The following PABPC4 variants were observed in gnomAD, a reference collection of about 807,000 sequenced individuals.
The protein encoded by PABPC4 is poly(A) binding protein cytoplasmic 4.
In PABPC4, 15 loss-of-function variants were observed where a neutral mutation model predicts 74.5. That is an observed-to-expected ratio of 0.20 (90% CI 0.13 to 0.31). The LOEUF is 0.31. PABPC4 is among the 10% of genes least tolerant of loss of function. The pLI, the probability that PABPC4 is intolerant of heterozygous loss-of-function variation, is 1.00. For synonymous variants in PABPC4, 345 were observed against 303.0 expected (o/e 1.14, Z -1.44); for missense variants, 610 against 853.5 (o/e 0.71, Z 3.55).
Position 39,567,853 on chromosome 1 carries a change from GA to G in PABPC4, c.877-8del. On this transcript the variant is annotated splice_region_variant and splice_polypyrimidine_tract_variant and intron_variant, in intron 6 of 15. Coordinates refer to ENST00000372858, the MANE Select transcript of PABPC4 (RefSeq NM_001135653.2). ...TAATGTAGAGATTCACCCCCTGAAG[GA>G]AAAAGATCACTGTTAACTACACTTC... is the stretch of plus-strand genomic sequence containing the variant. 1 of 1,492,222 alleles carries G rather than the reference GA, an allele frequency of 6.7e-7. No individual in the cohort carries two copies. The highest frequency in any genetic ancestry group is 9.3e-7 in the Non-Finnish European group (1 of 1,071,176). The allele number at this position is 1,492,222 out of a possible 1,614,324, so 92.4% of individuals were successfully genotyped here. A position where few individuals can be genotyped will look rare whatever the true frequency, so the allele number is the denominator to read the frequency against.
intron 5 of PABPC4, among the ~76,000 whole-genome samples, chr1:39,569,149 T>C (rs1407402112): frequency 1.3e-5 from 2 of 152,232 alleles, no homozygotes; most frequent in African/African-American, 4.8e-5. Context: ...ATAGAAATAG[T>C]ACAGGTGTAT....
At chr1:39,573,635 A>G (rs761386974) in intron 1 of PABPC4, among the ~76,000 whole-genome samples, 8 of 152,190 alleles carry the variant, frequency 5.3e-5, no homozygotes, top group Non-Finnish European at 1.2e-4. Context: ...CCTGACCAAC[A>G]TGGTGAAAAC....
At chr1:39,564,578 G>A in intron 9 of PABPC4, 36 bp from the exon 10 acceptor site, 1 of 1,613,550 alleles carries the variant, frequency 6.2e-7, no homozygotes, top group Non-Finnish European at 8.5e-7. Flanking sequence ...ATTGAGAAGT[G>A]ATGTGGACCA....
intron 10 of PABPC4, 151 bp downstream of exon 10, chr1:39,564,272 G>T: frequency 1.2e-6 from 1 of 800,250 alleles, no homozygotes; most frequent in Non-Finnish European, 2.0e-6. Context: ...CTGTTTCTCT[G>T]CTCCTGAAGT....
intron 3 of PABPC4, 116 bp downstream of exon 3, chr1:39,571,118 G>C (rs958892427): frequency 3.1e-5 from 49 of 1,569,620 alleles, no homozygotes; most frequent in Non-Finnish European, 4.1e-5. Context: ...TGGAGAGGTA[G>C]GAGCAGGCCA....
chr1:39,569,724 T>C (rs1458896384), intron 4 of PABPC4, 35 bp from the exon 5 acceptor site: 1 of 1,592,898 alleles, frequency 6.3e-7, no homozygotes, highest in East Asian at 2.2e-5. Context: ...AGTAACACCA[T>C]CTTGAGCACA....
intron 7 of PABPC4, among the ~76,000 whole-genome samples, chr1:39,567,007 A>G (rs1005336633): frequency 9.3e-6 from 1 of 106,974 alleles, no homozygotes; most frequent in Admixed American, 1.1e-4. Context: ...CTTCTCATCA[A>G]CTAAAGGATT....
chr1:39,571,744 G>A (rs933633887), intron 2 of PABPC4: 16 of 388,036 alleles, frequency 4.1e-5, no homozygotes, highest in African/African-American at 2.1e-4. Context: ...GTGGTGGCAC[G>A]TGCCTGTAGT....
At chr1:39,566,000 G>A (rs1345157230) in intron 7 of PABPC4, among the ~76,000 whole-genome samples, 1 of 152,180 alleles carries the variant, frequency 6.6e-6, no homozygotes, top group African/African-American at 2.4e-5. Flanking sequence ...ACTGAGTCTA[G>A]GTCAGGGTTC....
chr1:39,569,964 G>C lies in PABPC4; in HGVS notation c.542C>G (p.Ala181Gly). Residue 181 changes from alanine (A) to glycine (G), a missense_variant, in exon 4 of 16, where the codon GCT becomes GGT. Physicochemically the swap from Ala to Gly is moderately conservative, Grantham distance 60. Around this residue, in one of 4 missense-constraint regions of PABPC4, gnomAD observed 304 missense variants for 478.9 expected, o/e 0.63. Coordinates refer to ENST00000372858, the MANE Select transcript of PABPC4 (RefSeq NM_001135653.2). ...GRFKSRKERE[A>G]ELGAKAKEFT... ...TTCCTTGGCTTTGGCTCCAAGCTCAGCTTCCCGCTCTTTGCGAGACTTGAA... is the reference window on the plus strand; with the variant it reads ...TTCCTTGGCTTTGGCTCCAAGCTCACCTTCCCGCTCTTTGCGAGACTTGAA... 2 of 1,614,084 alleles carry C rather than the reference G, an allele frequency of 1.2e-6. No individual in the cohort carries two copies. Among genetic ancestry groups the C allele is most frequent in the Non-Finnish European group, 1.7e-6 (2 of 1,180,020 alleles).
chr1:39,576,085 G>C lies in PABPC4; in HGVS notation c.-134C>G. On this transcript the variant is annotated 5_prime_UTR_variant, in exon 1 of 16. Transcript: ENST00000372858. ...GGCACCGGCGCGGCGAGGACGAGCT[G>C]GAGTCGGCGGGCTTGGAGACGGGAC... 2 of 591,180 alleles carry C rather than the reference G, an allele frequency of 3.4e-6. No homozygotes were observed. The highest frequency in any genetic ancestry group is 2.8e-6 in the Non-Finnish European group (1 of 355,254). The allele number at this position is 591,180 out of a possible 1,614,324, so 36.6% of individuals were successfully genotyped here. A position where few individuals can be genotyped will look rare whatever the true frequency, so the allele number is the denominator to read the frequency against.
Position 39,565,037 on chromosome 1 carries a change from C to CT in PABPC4, c.1245+68dup, listed in dbSNP as rs1311718138. ...AGAACTCTAATAACGAAAAATCCCT[C>CT]TCCCCAACCACTGCAGAATACTGCC... On this transcript the variant is annotated intron_variant, in intron 8 of 15. Coordinates refer to ENST00000372858, the MANE Select transcript of PABPC4 (RefSeq NM_001135653.2). 18 of 1,532,472 alleles carry CT rather than the reference C, an allele frequency of 1.2e-5. No individual in the cohort carries two copies. The East Asian group carries it at 4.1e-4, about 35-fold the overall frequency. The allele number at this position is 1,532,472 out of a possible 1,614,324, so 94.9% of individuals were successfully genotyped here. A position where few individuals can be genotyped will look rare whatever the true frequency, so the allele number is the denominator to read the frequency against.
At chr1:39,561,477 A>AG (rs1645768334) in intron 15 of PABPC4, 6 of 562,388 alleles carry the variant, frequency 1.1e-5, no homozygotes, top group African/African-American at 1.9e-5. Flanking sequence ...AACCAGTACT[A>AG]GTTTTATTAT....
intron 7 of PABPC4, chr1:39,567,414 G>GA: frequency 1.9e-6 from 1 of 529,932 alleles, no homozygotes; most frequent in Non-Finnish European, 3.7e-6. Context: ...AAGACAAATG[G>GA]AAAACAACCT....
At chr1:39,562,300 CT>C (rs1043415923) in intron 13 of PABPC4, 22 bp downstream of exon 13, 1 of 1,611,626 alleles carries the variant, frequency 6.2e-7, no homozygotes, top group Non-Finnish European at 8.5e-7. Context: ...CCCTCTTCTT[CT>C]GCAAGCAAGT....
chr1:39,570,510 A>G (rs1280078563), intron 3 of PABPC4: 1 of 155,266 alleles, frequency 6.4e-6, no homozygotes, highest in Non-Finnish European at 1.4e-5. Flanking sequence ...CTGCACACAC[A>G]GACATTATAA....
At chr1:39,562,942 G>A (rs1645785057) in intron 12 of PABPC4, 1 of 153,322 alleles carries the variant, frequency 6.5e-6, no homozygotes, top group Non-Finnish European at 1.5e-5. Context: ...CAACGTCAAT[G>A]CTAGTCAAAG....
At position 39,561,468 on chromosome 1, in the gene PABPC4, A is replaced by C. The variant is rs907870162; in HGVS notation, c.*13+217T>G. The stretch of plus-strand genomic sequence containing the variant: ...TATCTGGAGACACCTACAACCATCA[A>C]CCAGTACTAGTTTTATTATTCACTC... On this transcript the variant is annotated intron_variant, in intron 15 of 15. Coordinates refer to ENST00000372858, the MANE Select transcript of PABPC4 (RefSeq NM_001135653.2). The C allele has an allele frequency of 1.3e-5, 7 of 545,018 alleles. No homozygotes were observed. In the South Asian group the frequency reaches 1.5e-4, roughly 12 times the overall value. The allele number at this position is 545,018 out of a possible 1,614,324, so 33.8% of individuals were successfully genotyped here.
In PABPC4 at chr1:39,576,023, G is replaced by GAAGGCGCC; in HGVS notation, c.-73_-72insGGCGCCTT. ...CGGGCCCGCCGCAGGACAAAGGGGC[G>GAAGGCGCC]CCTTCGGAGCCCGGGCCCGCGCCGC... On this transcript the variant is annotated 5_prime_UTR_variant, in exon 1 of 16. Transcript: ENST00000372858. 5 of 1,093,234 alleles carry GAAGGCGCC rather than the reference G, an allele frequency of 4.6e-6. No individual in the cohort carries two copies. Among genetic ancestry groups the GAAGGCGCC allele is most frequent in the Non-Finnish European group, 4.9e-6 (4 of 813,242 alleles). 67.7% of individuals were successfully genotyped at this position (1,093,234 alleles called of 1,614,324 possible). A position where few individuals can be genotyped will look rare whatever the true frequency, so the allele number is the denominator to read the frequency against.
Sources: gnomAD v4.1 joint callset for allele counts (sites outside exome capture counted in the v4.1 genomes callset) on GRCh38, gnomAD v4.1.1 for gene constraint, gnomAD v4.1.1 regional missense constraint, MANE v1.5 for transcripts, NCBI Gene and HGNC (gene_info 2026-07-23, HGNC 2026-07-21) for gene names.